Variants in IQANK1 observed in about 807,000 individuals in gnomAD.
The protein encoded by IQANK1 is IQ motif and ankyrin repeat containing 1.
In IQANK1, 30 loss-of-function variants were observed where a neutral mutation model predicts 22.6. The ratio of observed to expected loss-of-function variants is 1.33; its 90% CI spans 0.99 to 1.80. The LOEUF is 1.80. Among genes scored for constraint, IQANK1 ranks in the 40% most tolerant of loss-of-function variants. The pLI is 0.00. For missense variants in IQANK1, 275 were observed against 235.2 expected, an observed-to-expected ratio of 1.17 and a Z score of -1.11; for synonymous variants, 122 against 99.6, an observed-to-expected ratio of 1.23 and a Z score of -1.34.
intron 3 of IQANK1, chr8:143,760,400 G>T (rs1485375063): frequency 1.3e-5 from 2 of 152,166 alleles, no homozygotes; most frequent in Admixed American, 1.3e-4. Context: ...TGTAGGGCTT[G>T]CACGGTGGCT....
At chr8:143,787,319 G>A (rs1819909278) in intron 7 of IQANK1, among the ~76,000 whole-genome samples, 1 of 152,164 alleles carries the variant, frequency 6.6e-6, no homozygotes. Context: ...GCAGTCCTCA[G>A]GCCGTGGTTA....
intron 3 of IQANK1, among the ~76,000 whole-genome samples, chr8:143,767,219 G>A (rs782086646): frequency 1.3e-5 from 2 of 152,200 alleles, no homozygotes; most frequent in African/African-American, 2.4e-5. Context: ...TTAGGATTTC[G>A]TTGAACCTAT....
chr8:143,784,210 A>C (rs1275004707), intron 7 of IQANK1, among the ~76,000 whole-genome samples: 1 of 151,766 alleles, frequency 6.6e-6, no homozygotes, highest in Admixed American at 6.5e-5. Flanking sequence ...TCAAATTGTA[A>C]TCCTCAGTGT....
chr8:143,743,687 T>C (rs1818969647), intron 3 of IQANK1, among the ~76,000 whole-genome samples: 1 of 152,236 alleles, frequency 6.6e-6, no homozygotes, highest in Non-Finnish European at 1.5e-5. Flanking sequence ...CGAAGCCTGC[T>C]TCAGAAGTGA....
chr8:143,785,700 C>G (rs1464985829), intron 7 of IQANK1, among the ~76,000 whole-genome samples: 1 of 149,060 alleles, frequency 6.7e-6, no homozygotes, highest in African/African-American at 2.5e-5. Context: ...GCTAAGACTA[C>G]AGGCTTGAGC....
At chr8:143,784,947 G>A (rs1313008077) in intron 7 of IQANK1, among the ~76,000 whole-genome samples, 1 of 152,078 alleles carries the variant, frequency 6.6e-6, no homozygotes, top group Non-Finnish European at 1.5e-5. Flanking sequence ...GTTTATTCTG[G>A]ATATTTTCTT....
Position 143,781,173 on chromosome 8 carries a change from G to C in IQANK1, c.790-7742G>C, listed in dbSNP as rs58140962. On this transcript the variant is annotated intron_variant, in intron 7 of 13. Transcript: ENST00000527139. The stretch of plus-strand genomic sequence containing the variant: ...TTTTCTTTGTTCACTTTTTAATGGG[G>C]TTTTCTCTTGTAAGTTTGTATAAGA... Among the ~76,000 whole-genome samples, 3 of 151,990 alleles carry C rather than the reference G, an allele frequency of 2.0e-5. No homozygotes were observed. In the East Asian group the frequency reaches 5.8e-4, roughly 29 times the overall value.
Position 143,770,437 on chromosome 8 carries a change from G to T in IQANK1, c.176-1051G>T, listed in dbSNP as rs540180216. 7.2e-5 allele frequency among the ~76,000 whole-genome samples: 11 copies of T among 152,230 alleles called. No individual in the cohort carries two copies. The South Asian group carries it at 1.0e-3, about 14-fold the overall frequency. On this transcript the variant is annotated intron_variant, in intron 3 of 13. Transcript: ENST00000527139. ...GGCGCCTCTCCCTTTATTCTCCTTC[G>T]CTGTGATTTTCCCACATGGGCTCAG...
chr8:143,752,996 G>GGTTTTTT (rs368071885), intron 3 of IQANK1, among the ~76,000 whole-genome samples: 1 of 69,904 alleles, frequency 1.4e-5, no homozygotes, highest in African/African-American at 6.2e-5. Context: ...CTCTCTGTTC[G>GGTTTTTT]TTTTTTTTTT....
At chr8:143,777,923 G>A (rs889485771) in intron 7 of IQANK1, among the ~76,000 whole-genome samples, 8 of 152,190 alleles carry the variant, frequency 5.3e-5, no homozygotes, top group Middle Eastern at 3.4e-3. Context: ...TGCCGGGCGC[G>A]GTGGCTCACG....
chr8:143,737,275 C>T (rs1377788027), intron 2 of IQANK1, among the ~76,000 whole-genome samples: 6 of 152,196 alleles, frequency 3.9e-5, no homozygotes, highest in Non-Finnish European at 8.8e-5. Context: ...CTGTGCTCTT[C>T]AGTTCTGCTA....
At position 143,771,845 on chromosome 8, in the gene IQANK1, G is replaced by C; in HGVS notation, c.351G>C (p.Arg117=). Residue 117 remains arginine (R), a synonymous_variant, in exon 5 of 14, where the codon CGG becomes CGC. Coordinates refer to ENST00000527139, the MANE Select transcript of IQANK1 (RefSeq NM_001381874.1). This position sits in a 1 kb window ranked among gnomAD's most constrained non-coding sequence, Gnocchi z 6.0. Reference sequence around the variant, plus strand: ...GCCGGGAGCAGGAGGCCGCGCGGCGGCTGCGCGAGCAGGAGGAGGCGGCGC... The same window carrying C: ...GCCGGGAGCAGGAGGCCGCGCGGCGCCTGCGCGAGCAGGAGGAGGCGGCGC... ...PVRREQEAAR[R]LREQEEAAQR... 3 of 395,506 alleles carry C rather than the reference G, an allele frequency of 7.6e-6. No individual in the cohort carries two copies. The highest frequency in any genetic ancestry group is 3.6e-5 in the East Asian group (1 of 27,866). 24.5% of individuals were successfully genotyped at this position (395,506 alleles called of 1,614,324 possible).
intron 3 of IQANK1, among the ~76,000 whole-genome samples, chr8:143,757,039 G>T (rs1192130828): frequency 6.6e-6 from 1 of 152,078 alleles, no homozygotes; most frequent in Non-Finnish European, 1.5e-5. Context: ...AGGGTTCTGT[G>T]CTGTGATTTT....
At chr8:143,785,679 C>G (rs1554631283) in intron 7 of IQANK1, among the ~76,000 whole-genome samples, 2 of 151,066 alleles carry the variant, frequency 1.3e-5, no homozygotes, top group Non-Finnish European at 2.9e-5. Context: ...CCTGCCCCAG[C>G]TTCCCAAGTA....
intron 3 of IQANK1, among the ~76,000 whole-genome samples, chr8:143,753,416 G>A (rs1464466165): frequency 6.7e-6 from 1 of 148,468 alleles, no homozygotes; most frequent in Non-Finnish European, 1.5e-5. Context: ...TAAAGTCTTT[G>A]TCTAGTAGCC....
chr8:143,743,121 G>T (rs1330337626), intron 3 of IQANK1: 1 of 435,594 alleles, frequency 2.3e-6, no homozygotes, highest in African/African-American at 2.0e-5. Flanking sequence ...GCACGGCCTT[G>T]CCAGGCTGAC....
At chr8:143,741,220 G>T (rs1554626447) in intron 3 of IQANK1, among the ~76,000 whole-genome samples, 1 of 152,180 alleles carries the variant, frequency 6.6e-6, no homozygotes, top group African/African-American at 2.4e-5. Flanking sequence ...CTTCCTCCAG[G>T]ACAGCCCCGC....
At chr8:143,764,184 G>T (rs1819446122) in intron 3 of IQANK1, among the ~76,000 whole-genome samples, 1 of 152,112 alleles carries the variant, frequency 6.6e-6, no homozygotes, top group Non-Finnish European at 1.5e-5. Context: ...GCACAGGAAA[G>T]GTGGACAGCT....
At chr8:143,741,909 G>A (rs1370156586) in intron 3 of IQANK1, 6 of 183,240 alleles carry the variant, frequency 3.3e-5, no homozygotes, top group Middle Eastern at 2.5e-3. Context: ...CTTGTTCTGC[G>A]TGGGTGGGAC....
Sources: allele counts gnomAD v4.1 joint callset (sites outside exome capture counted in the v4.1 genomes callset), GRCh38; gene constraint gnomAD v4.1.1; non-coding constraint Gnocchi (gnomAD v3.1); transcripts MANE v1.5; gene names NCBI Gene and HGNC (gene_info 2026-07-23, HGNC 2026-07-21).